The following MICAL3 variants were observed in gnomAD, a reference collection of about 807,000 sequenced individuals.
The protein encoded by MICAL3 is [F-actin]-monooxygenase MICAL3.
Under a neutral mutation model 207.4 loss-of-function variants are expected in MICAL3, and 62 were observed. That is an observed-to-expected ratio of 0.30 (90% CI 0.24 to 0.37). The LOEUF (loss-of-function observed/expected upper bound fraction) is 0.37, where lower values mean the gene tolerates loss of function less well. Ranked by LOEUF, MICAL3 falls within the 10% of genes least tolerant of loss-of-function variation. MICAL3 has a pLI of 1.00. For missense variants in MICAL3, 2,368 were observed against 2,635.6 expected, an observed-to-expected ratio of 0.90 and a Z score of 2.22; for synonymous variants, 1,077 against 1,069.3, an observed-to-expected ratio of 1.01 and a Z score of -0.14.
Position 17,876,923 on chromosome 22 carries a change from G to GAA in MICAL3, c.2242-4901_2242-4900insTT. ...TTAGGGAGGTTAGGGAGGTTATGGA[G>GAA]GTTAGGGAGGTTAGGGAGGTTATGG... On this transcript the variant is annotated intron_variant, in intron 16 of 31. Coordinates refer to ENST00000441493, the MANE Select transcript of MICAL3 (RefSeq NM_015241.3). The GAA allele has an allele frequency of 2.3e-5, 3 of 128,656 alleles. 1 individual carries two copies. Among genetic ancestry groups the GAA allele is most frequent in the African/African-American group, 1.1e-4 (3 of 27,746 alleles). The allele number at this position is 128,656 out of a possible 1,614,324, so 8.0% of individuals were successfully genotyped here.
At chr22:17,807,114 G>A (rs2061996863) in intron 29 of MICAL3, among the ~76,000 whole-genome samples, 2 of 152,248 alleles carry the variant, frequency 1.3e-5, no homozygotes, top group South Asian at 4.1e-4. Flanking sequence ...TGTGTGTTGA[G>A]ATCTAATCCA....
chr22:17,952,595 A>C (rs1338103817), intron 1 of MICAL3, among the ~76,000 whole-genome samples: 1 of 152,228 alleles, frequency 6.6e-6, no homozygotes, highest in Non-Finnish European at 1.5e-5. Flanking sequence ...ACAAACACCA[A>C]GCAGCCAATC....
rs796868560 is a variant in MICAL3, at chr22:17,872,054, A to G, written c.2242-31T>C. 8 of 1,566,498 alleles carry G rather than the reference A, an allele frequency of 5.1e-6. No homozygotes were observed. In the African/African-American group the frequency reaches 1.1e-4, roughly 21 times the overall value. ...GGAGGTGGCGGTCGGGAGGAAGGGGAGCACCTCAGGGAGTGCCACACAGGC... is the reference window on the plus strand; with the variant it reads ...GGAGGTGGCGGTCGGGAGGAAGGGGGGCACCTCAGGGAGTGCCACACAGGC... On this transcript the variant is annotated intron_variant, in intron 16 of 31. Transcript: ENST00000441493.
At chr22:17,984,684 G>A (rs1303472970) in intron 1 of MICAL3, among the ~76,000 whole-genome samples, 1 of 152,214 alleles carries the variant, frequency 6.6e-6, no homozygotes, top group Non-Finnish European at 1.5e-5. Flanking sequence ...TTTTGTGGGA[G>A]GAGATGGACA....
At chr22:17,916,706 A>C (rs1157783963) in intron 1 of MICAL3, among the ~76,000 whole-genome samples, 1 of 152,100 alleles carries the variant, frequency 6.6e-6, no homozygotes, top group African/African-American at 2.4e-5. Flanking sequence ...ACAAGGGGAC[A>C]CTACTCTCTG....
intron 17 of MICAL3, among the ~76,000 whole-genome samples, chr22:17,868,759 GTTCA>G (rs1216864749): frequency 2.0e-5 from 3 of 152,232 alleles, no homozygotes; most frequent in South Asian, 4.2e-4. Flanking sequence ...CAAGTGGGCC[GTTCA>G]TTCATTCATT....
chr22:17,961,123 T>C (rs934588132), intron 1 of MICAL3, among the ~76,000 whole-genome samples: 1 of 152,074 alleles, frequency 6.6e-6, no homozygotes, highest in Admixed American at 6.5e-5. Context: ...TGGAAGTGCC[T>C]GCAAAAATCC....
intron 29 of MICAL3, among the ~76,000 whole-genome samples, chr22:17,797,124 C>G (rs902674787): frequency 6.6e-6 from 1 of 152,208 alleles, no homozygotes; most frequent in African/African-American, 2.4e-5. Context: ...CTTAGTCCTT[C>G]TGGTACTCGA....
intron 29 of MICAL3, chr22:17,791,504 C>T (rs899670215): frequency 3.4e-6 from 2 of 593,056 alleles, no homozygotes; most frequent in South Asian, 2.0e-5. Flanking sequence ...GTCCTGCCAT[C>T]CCTGTTCACC....
Position 17,809,470 on chromosome 22 carries a change from C to G in MICAL3, c.5557-533G>C, listed in dbSNP as rs142949635. Among the ~76,000 whole-genome samples the G allele has an allele frequency of 1.9e-3, 291 of 152,296 alleles. 6 individuals are homozygous for G. In the East Asian group the frequency reaches 0.047, roughly 24 times the overall value. ...CTAGCATGGTGAAACCCTGTCTCTA[C>G]TAAAAATACAAAAATTAGCTGGATG... On this transcript the variant is annotated intron_variant, in intron 28 of 31. Transcript: ENST00000441493.
In MICAL3 at chr22:17,841,727, G is replaced by T; in HGVS notation, c.2801+95C>A. 2 of 1,281,492 alleles carry T rather than the reference G, an allele frequency of 1.6e-6. No individual in the cohort carries two copies. The highest frequency in any genetic ancestry group is 2.2e-6 in the Non-Finnish European group (2 of 919,864). 79.4% of individuals were successfully genotyped at this position (1,281,492 alleles called of 1,614,324 possible). Reference sequence around the variant, plus strand: ...CTGCGGGCAGCAGGAAAGACAGGAGGCCTCCCTTCACTGAGAAGAAACCGA... The same window carrying T: ...CTGCGGGCAGCAGGAAAGACAGGAGTCCTCCCTTCACTGAGAAGAAACCGA... On this transcript the variant is annotated intron_variant, in intron 20 of 31. Transcript: ENST00000441493. The surrounding 1 kb of genome is among the most constrained non-coding windows in gnomAD (Gnocchi z 4.2).
chr22:17,804,711 A>T (rs2061972942), intron 29 of MICAL3, among the ~76,000 whole-genome samples: 1 of 152,156 alleles, frequency 6.6e-6, no homozygotes, highest in Non-Finnish European at 1.5e-5. Context: ...CACAGAGCAC[A>T]GCACTCGGCC....
chr22:17,809,305 G>A (rs2062019129), intron 28 of MICAL3, among the ~76,000 whole-genome samples: 1 of 152,208 alleles, frequency 6.6e-6, no homozygotes, highest in Admixed American at 6.5e-5. Flanking sequence ...GGGGGTTCCT[G>A]AAGAGTGCAG....
intron 19 of MICAL3, chr22:17,864,653 A>G (rs978424779): frequency 6.3e-7 from 1 of 1,598,716 alleles, no homozygotes; most frequent in Non-Finnish European, 8.5e-7. Flanking sequence ...GGACGGCCCC[A>G]TCACTGGGCC....
chr22:17,795,148 C>T (rs960306114), intron 29 of MICAL3, among the ~76,000 whole-genome samples: 22 of 152,230 alleles, frequency 1.4e-4, no homozygotes, highest in Admixed American at 2.6e-4. Context: ...AGTGTGCATG[C>T]GTGTGAAATG....
intron 5 of MICAL3, 92 bp from the exon 6 acceptor site, chr22:17,901,089 G>A: frequency 8.0e-7 from 1 of 1,243,820 alleles, no homozygotes. Flanking sequence ...AAGACAACAG[G>A]GAAAGTCAGG....
Position 18,007,922 on chromosome 22 carries a change from C to CAAAA in MICAL3, c.-75+16355_-75+16358dup, listed in dbSNP as rs60544257. 1.0e-3 allele frequency among the ~76,000 whole-genome samples: 39 copies of CAAAA among 37,748 alleles called. 5 individuals are homozygous for CAAAA. The highest frequency in any genetic ancestry group is 3.4e-3 in the East Asian group (4 of 1,192). The allele number at this position is 37,748 out of a possible 152,430, so 24.8% of individuals were successfully genotyped here. On this transcript the variant is annotated intron_variant, in intron 1 of 31. Transcript: ENST00000441493. The stretch of plus-strand genomic sequence containing the variant: ...TGGACGACAGAGCGAGACTCCATCT[C>CAAAA]AAAAAAAAAAAAAAAAAAAAAAAAA...
intron 22 of MICAL3, among the ~76,000 whole-genome samples, chr22:17,823,670 G>C (rs924419676): frequency 6.6e-6 from 1 of 152,104 alleles, no homozygotes; most frequent in Non-Finnish European, 1.5e-5. Context: ...CGTGTACAAG[G>C]TATATATGAC....
chr22:17,895,244 C>T, intron 10 of MICAL3, 40 bp downstream of exon 10: 2 of 1,606,658 alleles, frequency 1.2e-6, no homozygotes, highest in Non-Finnish European at 1.7e-6. Context: ...ATTGGTCCTG[C>T]AGATGGGCCC....
Sources: allele counts gnomAD v4.1 joint callset (sites outside exome capture counted in the v4.1 genomes callset), GRCh38; gene constraint gnomAD v4.1.1; non-coding constraint Gnocchi (gnomAD v3.1); transcripts MANE v1.5; gene names NCBI Gene and HGNC (gene_info 2026-07-23, HGNC 2026-07-21).